Variants in PELI1 observed in about 807,000 individuals in gnomAD.
PELI1 encodes the protein E3 ubiquitin-protein ligase pellino homolog 1.
Under a neutral mutation model 41.3 loss-of-function variants are expected in PELI1, and 15 were observed. That is an observed-to-expected ratio of 0.36 (90% CI 0.24 to 0.56). The LOEUF is 0.56. Ranked by LOEUF, PELI1 falls within the 20% of genes least tolerant of loss-of-function variation. The pLI, the probability that PELI1 is intolerant of heterozygous loss-of-function variation, is 0.82. For synonymous variants in PELI1, 178 were observed against 180.1 expected, an observed-to-expected ratio of 0.99 and a Z score of 0.09; for missense variants, 403 against 525.5, an observed-to-expected ratio of 0.77 and a Z score of 2.28.
At chr2:64,112,584 G>A (rs1451747872) in intron 1 of PELI1, among the ~76,000 whole-genome samples, 1 of 152,118 alleles carries the variant, frequency 6.6e-6, no homozygotes, top group South Asian at 2.1e-4. Flanking sequence ...CTCTTAGAAG[G>A]CCTTATCTGG....
chr2:64,126,256 C>T lies in PELI1; in HGVS notation c.-70+17825G>A, dbSNP rs956002274. Among the ~76,000 whole-genome samples, 6 of 152,274 alleles carry T rather than the reference C, an allele frequency of 3.9e-5. No homozygotes were observed. The South Asian group carries it at 6.2e-4, about 16-fold the overall frequency. ...ACAGATCACTGCAACCTCTGCCTCC[C>T]GGGTTCAACCGATTCTCCTGCCTCA... On this transcript the variant is annotated intron_variant, in intron 1 of 6. Transcript: ENST00000358912.
intron 4 of PELI1, among the ~76,000 whole-genome samples, chr2:64,099,210 TTATC>T (rs1377979969): frequency 7.5e-6 from 1 of 132,786 alleles, no homozygotes; most frequent in East Asian, 2.3e-4. Context: ...ACATATATAT[TTATC>T]TATATTTTAT....
At chr2:64,115,447 G>A (rs149348678) in intron 1 of PELI1, among the ~76,000 whole-genome samples, 108 of 152,250 alleles carry the variant, frequency 7.1e-4, no homozygotes, top group African/African-American at 2.4e-3. Flanking sequence ...ATGCTTTCAC[G>A]TAAGATTATT....
At chr2:64,138,530 C>T (rs939360790) in intron 1 of PELI1, among the ~76,000 whole-genome samples, 11 of 152,072 alleles carry the variant, frequency 7.2e-5, no homozygotes, top group African/African-American at 1.7e-4. Context: ...AGTTTCAGAC[C>T]GGTCCGGCCA....
chr2:64,102,686 T>C (rs1345442112), intron 3 of PELI1, among the ~76,000 whole-genome samples: 1 of 152,208 alleles, frequency 6.6e-6, no homozygotes, highest in Non-Finnish European at 1.5e-5. Flanking sequence ...AGACTGAGAA[T>C]AAAAACTATG....
intron 1 of PELI1, among the ~76,000 whole-genome samples, chr2:64,131,446 T>A (rs772589063): frequency 1.6e-4 from 25 of 152,116 alleles, no homozygotes; most frequent in Admixed American, 3.9e-4. Flanking sequence ...GTTGTATTTA[T>A]TGTTGTATTG....
Position 64,144,351 on chromosome 2 carries a change from G to C in PELI1, c.-340C>G, listed in dbSNP as rs1377208734. ...GCACCGCGGGACTAGGGCTGCTGCCGCTGCTGCTAGTGGAGGCGGCGGCGG... is the reference window on the plus strand; with the variant it reads ...GCACCGCGGGACTAGGGCTGCTGCCCCTGCTGCTAGTGGAGGCGGCGGCGG... On this transcript the variant is annotated 5_prime_UTR_variant, in exon 1 of 7. Coordinates refer to ENST00000358912, the MANE Select transcript of PELI1 (RefSeq NM_020651.4). 1.3e-5 allele frequency: 2 copies of C among 152,510 alleles called. No individual in the cohort carries two copies. The highest frequency in any genetic ancestry group is 2.9e-5 in the Non-Finnish European group (2 of 68,294). 9.4% of individuals were successfully genotyped at this position (152,510 alleles called of 1,614,324 possible). A position where few individuals can be genotyped will look rare whatever the true frequency, so the allele number is the denominator to read the frequency against.
chr2:64,115,254 G>C (rs929098102), intron 1 of PELI1, among the ~76,000 whole-genome samples: 1 of 152,194 alleles, frequency 6.6e-6, no homozygotes, highest in African/African-American at 2.4e-5. Context: ...CTGCTGTTTA[G>C]AGAAAGGCAA....
At chr2:64,143,411 C>A (rs1681979745) in intron 1 of PELI1, 1 of 152,112 alleles carries the variant, frequency 6.6e-6, no homozygotes, top group South Asian at 2.1e-4. Context: ...TCCTCATAAA[C>A]GCTTTCATAT....
intron 1 of PELI1, among the ~76,000 whole-genome samples, chr2:64,114,707 A>G (rs1680932742): frequency 6.6e-6 from 1 of 152,106 alleles, no homozygotes; most frequent in Admixed American, 6.5e-5. Context: ...TGACATTTTG[A>G]CATTGTGGGG....
Position 64,096,424 on chromosome 2 carries a change from T to C in PELI1, c.490A>G (p.Ile164Val), listed in dbSNP as rs1680238915. Residue 164 changes from isoleucine to valine, a missense_variant, in exon 5 of 7, where the codon ATC (isoleucine) becomes GTC (valine). Ile to Val is a conservative substitution (Grantham distance 29). Transcript: ENST00000358912. ...AAAAAGCTTTTTACCCCAAGAAAGATGTTTTTTGATGAGTCAAATCCTGCA... is the reference window on the plus strand; with the variant it reads ...AAAAAGCTTTTTACCCCAAGAAAGACGTTTTTTGATGAGTCAAATCCTGCA... ...YAAGFDSSKNIFLGEKAAKWK... is the reference protein window; with the variant it reads ...YAAGFDSSKNVFLGEKAAKWK... The C allele has an allele frequency of 1.2e-6, 2 of 1,608,362 alleles. No individual in the cohort carries two copies. The highest frequency in any genetic ancestry group is 1.7e-6 in the Non-Finnish European group (2 of 1,175,754).
chr2:64,126,770 T>C (rs1367302269), intron 1 of PELI1, among the ~76,000 whole-genome samples: 1 of 152,022 alleles, frequency 6.6e-6, no homozygotes, highest in Non-Finnish European at 1.5e-5. Context: ...GGTATTCAAT[T>C]TGGACCTTGA....
chr2:64,095,405 T>G, intron 6 of PELI1, 137 bp from the exon 7 acceptor site: 2 of 611,322 alleles, frequency 3.3e-6, no homozygotes, highest in Non-Finnish European at 2.9e-6. Flanking sequence ...AAACTGACAG[T>G]AGTTATGAAA....
intron 1 of PELI1, among the ~76,000 whole-genome samples, chr2:64,110,170 G>A (rs987030041): frequency 2.6e-5 from 4 of 151,144 alleles, no homozygotes; most frequent in African/African-American, 4.9e-5. Flanking sequence ...GCTTGAACCC[G>A]GGAGGCAGAG....
chr2:64,128,907 A>T (rs1401743660), intron 1 of PELI1, among the ~76,000 whole-genome samples: 1 of 152,150 alleles, frequency 6.6e-6, no homozygotes, highest in East Asian at 1.9e-4. Flanking sequence ...CTTGACACAG[A>T]CACAAAATTG....
chr2:64,096,628 AT>A lies in PELI1; in HGVS notation c.304-19del. On this transcript the variant is annotated intron_variant, in intron 4 of 6. Coordinates refer to ENST00000358912, the MANE Select transcript of PELI1 (RefSeq NM_020651.4). Reference sequence around the variant, plus strand: ...CGGCCAATCTGAGGGAAAAAAAAAAATACCTATAAACCCATTCAAAGAGCAC... The same window carrying A: ...CGGCCAATCTGAGGGAAAAAAAAAAAACCTATAAACCCATTCAAAGAGCAC... 6.5e-7 allele frequency: 1 copy of A among 1,529,000 alleles called. No homozygotes were observed. Among genetic ancestry groups the A allele is most frequent in the African/African-American group, 1.4e-5 (1 of 72,204 alleles). The allele number at this position is 1,529,000 out of a possible 1,614,324, so 94.7% of individuals were successfully genotyped here.
At chr2:64,132,244 T>C (rs1365673265) in intron 1 of PELI1, among the ~76,000 whole-genome samples, 5 of 152,172 alleles carry the variant, frequency 3.3e-5, no homozygotes, top group Non-Finnish European at 7.4e-5. Context: ...ACCAGGAAGA[T>C]ACAGGTTGAG....
chr2:64,100,574 G>T (rs1680392999), intron 3 of PELI1, 75 bp from the exon 4 acceptor site: 1 of 788,470 alleles, frequency 1.3e-6, no homozygotes, highest in Non-Finnish European at 2.2e-6. Flanking sequence ...ATTAAAAAAA[G>T]GGAAAACTAT....
intron 1 of PELI1, among the ~76,000 whole-genome samples, chr2:64,143,788 G>GCC (rs1491219504): frequency 1.3e-5 from 2 of 151,922 alleles, no homozygotes; most frequent in African/African-American, 4.8e-5. Flanking sequence ...CGCAGCCGGA[G>GCC]CGCGCGGCCA....
Sources: allele counts gnomAD v4.1 joint callset (sites outside exome capture counted in the v4.1 genomes callset), GRCh38; gene constraint gnomAD v4.1.1; transcripts MANE v1.5; gene names NCBI Gene and HGNC (gene_info 2026-07-23, HGNC 2026-07-21).